DCN: variants seen among roughly 807,000 people sequenced by gnomAD.
The protein encoded by DCN is decorin.
Under a neutral mutation model 36.5 loss-of-function variants are expected in DCN, and 17 were observed. That is an observed-to-expected ratio of 0.47 (90% CI 0.32 to 0.70). DCN has a LOEUF of 0.70. Among genes scored for constraint, DCN ranks in the 30% least tolerant of loss-of-function variants. The probability of loss-of-function intolerance (pLI) is 0.04; values close to 1 mark genes in which losing one functional copy is unlikely to be tolerated. For missense variants in DCN, 389 were observed against 430.1 expected, an observed-to-expected ratio of 0.90 and a Z score of 0.84; for synonymous variants, 163 against 161.4, an observed-to-expected ratio of 1.01 and a Z score of -0.07.
Position 91,158,381 on chromosome 12 carries a change from A to G in DCN, c.453T>C (p.Thr151=). The G allele has an allele frequency of 1.2e-6, 2 of 1,613,740 alleles. No individual in the cohort carries two copies. The highest frequency in any genetic ancestry group is 1.7e-6 in the Non-Finnish European group (2 of 1,179,684). Residue 151 remains threonine, a synonymous_variant, in exon 4 of 8, where the codon ACT becomes ACC. Transcript: ENST00000052754. ...LKELPEKMPK[T]LQELRAHENE... is the part of the protein sequence containing the mutation. ...TCTCATGGGCACGCAGCTCCTGAAG[A>G]GTTTTGGGCATTTTTTCTGGCAATT... is the stretch of plus-strand genomic sequence containing the variant.
At position 91,158,213 on chromosome 12, in the gene DCN, A is replaced by AC. The variant is rs201128202; in HGVS notation, c.538+82dup. ...CAGGCATGTAGCTTGTAGCTAATTTACCTTCCTGCACTTAAAACCCAGTTG... is the reference window on the plus strand; with the variant it reads ...CAGGCATGTAGCTTGTAGCTAATTTACCCTTCCTGCACTTAAAACCCAGTTG... On this transcript the variant is annotated intron_variant, in intron 4 of 7. Transcript: ENST00000052754. The AC allele has an allele frequency of 3.2e-5, 28 of 866,690 alleles. No homozygotes were observed. The East Asian group carries it at 4.8e-4, about 15-fold the overall frequency. The allele number at this position is 866,690 out of a possible 1,614,324, so 53.7% of individuals were successfully genotyped here.
rs1880974258 is a variant in DCN at position 91,145,822 on chromosome 12, G to A, written c.*236C>T. On this transcript the variant is annotated 3_prime_UTR_variant, in exon 8 of 8. Transcript: ENST00000052754. ...ATTTAGTGAAATAAGAATATCTCTA[G>A]TAGCTCAGTTAACATCAACAGAAAG... 1 of 532,362 alleles carries A rather than the reference G, an allele frequency of 1.9e-6. No homozygotes were observed. Among genetic ancestry groups the A allele is most frequent in the Non-Finnish European group, 3.4e-6 (1 of 298,428 alleles). 33.0% of individuals were successfully genotyped at this position (532,362 alleles called of 1,614,324 possible). A position where few individuals can be genotyped will look rare whatever the true frequency, so the allele number is the denominator to read the frequency against.
At chr12:91,166,105 T>A (rs1882550222) in intron 2 of DCN, among the ~76,000 whole-genome samples, 1 of 152,168 alleles carries the variant, frequency 6.6e-6, no homozygotes, top group South Asian at 2.1e-4. Flanking sequence ...TATTTCTGAG[T>A]CTTTTCCAAA....
intron 5 of DCN, among the ~76,000 whole-genome samples, chr12:91,155,652 A>G (rs1430823182): frequency 6.6e-6 from 1 of 151,372 alleles, no homozygotes; most frequent in Non-Finnish European, 1.5e-5. Context: ...CTATCTATCT[A>G]TATCAATCCC....
In DCN at chr12:91,141,827, G is replaced by A. The variant is rs1161366531; in HGVS notation, c.*4231C>T. ...GAGTCTCCTGATCTCCAATGCCTAAGTGATTGATGGCAGTCATAATACTCA... is the reference window on the plus strand; with the variant it reads ...GAGTCTCCTGATCTCCAATGCCTAAATGATTGATGGCAGTCATAATACTCA... On this transcript the variant is annotated 3_prime_UTR_variant, in exon 8 of 8. Transcript: ENST00000052754. 1 of 152,118 alleles carries A rather than the reference G, an allele frequency of 6.6e-6. No homozygotes were observed. Among genetic ancestry groups the A allele is most frequent in the Non-Finnish European group, 1.5e-5 (1 of 68,020 alleles). The allele number at this position is 152,118 out of a possible 1,614,324, so 9.4% of individuals were successfully genotyped here.
At chr12:91,157,841 G>A (rs1225247276) in intron 4 of DCN, among the ~76,000 whole-genome samples, 1 of 152,066 alleles carries the variant, frequency 6.6e-6, no homozygotes, top group Non-Finnish European at 1.5e-5. Context: ...TGTTAGCCAG[G>A]ATGGTCTCGA....
At chr12:91,148,792 G>T (rs1881218224) in intron 7 of DCN, among the ~76,000 whole-genome samples, 2 of 149,016 alleles carry the variant, frequency 1.3e-5, no homozygotes, top group Non-Finnish European at 3.0e-5. Flanking sequence ...ACATTCATGT[G>T]CTGGTGAAAA....
rs1384218962 is a variant in DCN, at chr12:91,143,367, G to C, written c.*2691C>G. ...TAAGCAGGAGACAAAAGACAGACAT[G>C]GTACAATAGGAAACGAGAGGACTCT... On this transcript the variant is annotated 3_prime_UTR_variant, in exon 8 of 8. Transcript: ENST00000052754. 3 of 152,124 alleles carry C rather than the reference G, an allele frequency of 2.0e-5. No homozygotes were observed. The highest frequency in any genetic ancestry group is 7.2e-5 in the African/African-American group (3 of 41,416). 9.4% of individuals were successfully genotyped at this position (152,124 alleles called of 1,614,324 possible).
intron 7 of DCN, among the ~76,000 whole-genome samples, chr12:91,149,802 CAAAT>C (rs995273615): frequency 1.1e-4 from 16 of 151,218 alleles, no homozygotes; most frequent in Non-Finnish European, 1.3e-4. Flanking sequence ...TAGCAGCAAA[CAAAT>C]AAAAAAATTA....
chr12:91,157,669 C>T (rs1380489745), intron 4 of DCN, among the ~76,000 whole-genome samples: 1 of 151,736 alleles, frequency 6.6e-6, no homozygotes, highest in African/African-American at 2.4e-5. Flanking sequence ...CACTCTGTCA[C>T]CCAGGCTGGA....
At chr12:91,174,552 G>T (rs1360588987) in intron 2 of DCN, among the ~76,000 whole-genome samples, 1 of 152,064 alleles carries the variant, frequency 6.6e-6, no homozygotes, top group African/African-American at 2.4e-5. Context: ...GCCTGAAATG[G>T]TAAGTGAAAT....
At chr12:91,167,765 T>G (rs1266539699) in intron 2 of DCN, among the ~76,000 whole-genome samples, 1 of 152,208 alleles carries the variant, frequency 6.6e-6, no homozygotes, top group African/African-American at 2.4e-5. Context: ...CTAAGGTGCC[T>G]CATGGCTAAA....
chr12:91,174,730 C>T (rs1354052091), intron 2 of DCN, among the ~76,000 whole-genome samples: 1 of 152,034 alleles, frequency 6.6e-6, no homozygotes, highest in Non-Finnish European at 1.5e-5. Context: ...ACTGCACAGC[C>T]CAAGTTCTTT....
Position 91,151,743 on chromosome 12 carries a change from C to T in DCN, c.796G>A (p.Ala266Thr). 6.2e-7 allele frequency: 1 copy of T among 1,613,956 alleles called. No individual in the cohort carries two copies. Among genetic ancestry groups the T allele is most frequent in the Middle Eastern group, 1.6e-4 (1 of 6,062 alleles). ...SISAVDNGSL[A>T]NTPHLRELHL... ...AGCTCCCTCAGATGAGGCGTGTTGG[C>T]CAGAGAGCCATTGTCAACAGCAGAG... The change falls in exon 7 of 8, where the codon GCC (alanine) becomes ACC (threonine). Residue 266 changes from alanine (A) to threonine (T), a missense_variant. Coordinates refer to ENST00000052754, the MANE Select transcript of DCN (RefSeq NM_001920.5).
intron 3 of DCN, among the ~76,000 whole-genome samples, 193 bp downstream of exon 3, chr12:91,164,412 A>AG (rs1473232729): frequency 7.0e-6 from 1 of 143,106 alleles, no homozygotes; most frequent in Non-Finnish European, 1.6e-5. Context: ...AAAAAAAAAA[A>AG]AAAAAGAAAA....
chr12:91,178,228 G>A, intron 2 of DCN, 114 bp downstream of exon 2: 4 of 902,532 alleles, frequency 4.4e-6, no homozygotes, highest in South Asian at 1.3e-5. Flanking sequence ...CTCATTAGGT[G>A]GCACTGTCTC....
chr12:91,154,270 AG>A (rs1209818023), intron 5 of DCN, among the ~76,000 whole-genome samples: 1 of 152,144 alleles, frequency 6.6e-6, no homozygotes, highest in Admixed American at 6.5e-5. Flanking sequence ...TGCTAGGAAA[AG>A]GAACATCTAT....
In DCN at chr12:91,158,471, A is replaced by C; in HGVS notation, c.363T>G (p.Ser121Arg). The change falls in exon 4 of 8, where the codon AGT (serine) becomes AGG (arginine). Residue 121 changes from serine to arginine, a missense_variant. Coordinates refer to ENST00000052754, the MANE Select transcript of DCN (RefSeq NM_001920.5). ...TCACCAAAGGTGTAAATGCTCCAGG[A>C]CTAACTTTGCTAATTTTATTGTTGA... ...ILVNNKISKV[S>R]PGAFTPLVKL... 1 of 1,604,652 alleles carries C rather than the reference A, an allele frequency of 6.2e-7. No individual in the cohort carries two copies. Among genetic ancestry groups the C allele is most frequent in the Non-Finnish European group, 8.5e-7 (1 of 1,171,334 alleles).
intron 3 of DCN, among the ~76,000 whole-genome samples, chr12:91,159,919 G>T (rs1592690224): frequency 6.6e-6 from 1 of 152,058 alleles, no homozygotes; most frequent in East Asian, 1.9e-4. Flanking sequence ...GGGCAAAAGG[G>T]GACCTATAAT....
Sources: allele counts gnomAD v4.1 joint callset (sites outside exome capture counted in the v4.1 genomes callset), GRCh38; gene constraint gnomAD v4.1.1; transcripts MANE v1.5; gene names NCBI Gene and HGNC (gene_info 2026-07-23, HGNC 2026-07-21).